Variants in TNNI3K observed in about 807,000 individuals in gnomAD.
The protein encoded by TNNI3K is serine/threonine-protein kinase TNNI3K.
TNNI3K carries 140 observed loss-of-function variants against 114.5 expected under a neutral mutation model. The observed-to-expected ratio is 1.22, with a 90% CI of 1.07 to 1.41. The LOEUF (loss-of-function observed/expected upper bound fraction) is 1.41. Among genes scored for constraint, TNNI3K ranks in the 40% most tolerant of loss-of-function variants. The pLI is 0.00. For synonymous variants in TNNI3K, 347 were observed against 347.5 expected (o/e 1.00, Z 0.02); for missense variants, 1,125 against 1,007.6 (o/e 1.12, Z -1.58).
At chr1:74,421,222 A>C (rs1665378758) in intron 17 of TNNI3K, among the ~76,000 whole-genome samples, 1 of 152,144 alleles carries the variant, frequency 6.6e-6, no homozygotes, top group Non-Finnish European at 1.5e-5. Flanking sequence ...CTGAATGTCC[A>C]GTGTGTAAAA....
chr1:74,428,750 C>T (rs555393450), intron 17 of TNNI3K, among the ~76,000 whole-genome samples: 3 of 151,960 alleles, frequency 2.0e-5, no homozygotes, highest in East Asian at 1.9e-4. Flanking sequence ...GCCTGGGTAA[C>T]GTATTGAGAT....
At chr1:74,460,354 A>G (rs1028788199) in intron 20 of TNNI3K, among the ~76,000 whole-genome samples, 2 of 152,128 alleles carry the variant, frequency 1.3e-5, no homozygotes, top group African/African-American at 4.8e-5. Flanking sequence ...GAACATTTTT[A>G]TCAGTGTAAA....
chr1:74,284,186 A>G (rs908624888), intron 5 of TNNI3K, among the ~76,000 whole-genome samples: 2 of 152,178 alleles, frequency 1.3e-5, no homozygotes, highest in African/African-American at 4.8e-5. Flanking sequence ...TACTTTTCTC[A>G]GGGATGATTC....
At chr1:74,252,988 A>G (rs1655037620) in intron 4 of TNNI3K, among the ~76,000 whole-genome samples, 1 of 151,994 alleles carries the variant, frequency 6.6e-6, no homozygotes, top group Non-Finnish European at 1.5e-5. Flanking sequence ...CAGAGAGCTG[A>G]TTGGTCCGTT....
intron 23 of TNNI3K, among the ~76,000 whole-genome samples, chr1:74,522,689 C>T (rs556471412): frequency 2.0e-5 from 3 of 151,906 alleles, no homozygotes; most frequent in Non-Finnish European, 4.4e-5. Flanking sequence ...AGAAATGCCC[C>T]AGGAAGCAAT....
At chr1:74,327,518 C>A (rs1036054753) in intron 5 of TNNI3K, among the ~76,000 whole-genome samples, 6 of 145,268 alleles carry the variant, frequency 4.1e-5, no homozygotes, top group African/African-American at 1.5e-4. Flanking sequence ...ATATATATAT[C>A]TCAGTATTTT....
chr1:74,247,861 C>T (rs987876247), intron 2 of TNNI3K, among the ~76,000 whole-genome samples: 2 of 152,182 alleles, frequency 1.3e-5, no homozygotes, highest in East Asian at 1.9e-4. Context: ...ACGCAGGGGC[C>T]GCAGGCGGAG....
intron 20 of TNNI3K, among the ~76,000 whole-genome samples, chr1:74,447,333 C>A: frequency 6.7e-6 from 1 of 150,008 alleles, no homozygotes; most frequent in East Asian, 1.9e-4. Context: ...CATGATTTGG[C>A]TCTCTGTTTG....
At chr1:74,469,966 A>C (rs1667844575) in intron 21 of TNNI3K, 1 of 400,694 alleles carries the variant, frequency 2.5e-6, no homozygotes, top group East Asian at 3.6e-5. Context: ...AGCTTCATTT[A>C]TTCTGCTAGG....
chr1:74,296,760 C>CA (rs769005321), intron 5 of TNNI3K, among the ~76,000 whole-genome samples: 16 of 152,142 alleles, frequency 1.1e-4, no homozygotes, highest in Non-Finnish European at 2.4e-4. Context: ...TTTAAAGACA[C>CA]AATTCCATTA....
intron 5 of TNNI3K, among the ~76,000 whole-genome samples, chr1:74,327,557 CAGT>C (rs1040713127): frequency 3.5e-5 from 5 of 144,878 alleles, no homozygotes; most frequent in African/African-American, 1.3e-4. Flanking sequence ...ATATATATCT[CAGT>C]AGTAGTTTTT....
intron 2 of TNNI3K, among the ~76,000 whole-genome samples, chr1:74,246,945 CT>C (rs1171379510): frequency 6.6e-6 from 1 of 152,106 alleles, no homozygotes; most frequent in Non-Finnish European, 1.5e-5. Context: ...GTAGTTTGTT[CT>C]TTTTTTCCAA....
intron 17 of TNNI3K, among the ~76,000 whole-genome samples, chr1:74,388,251 C>G (rs1663590071): frequency 6.6e-6 from 1 of 151,928 alleles, no homozygotes; most frequent in Non-Finnish European, 1.5e-5. Flanking sequence ...GCACTCCAGC[C>G]TGGGTGGCAG....
chr1:74,539,032 A>G (rs974601223), intron 23 of TNNI3K, among the ~76,000 whole-genome samples: 4 of 152,206 alleles, frequency 2.6e-5, no homozygotes, highest in Non-Finnish European at 4.4e-5. Flanking sequence ...ATCACCCTAG[A>G]TAATATACAA....
At chr1:74,459,086 A>G (rs1184524151) in intron 20 of TNNI3K, among the ~76,000 whole-genome samples, 1 of 152,226 alleles carries the variant, frequency 6.6e-6, no homozygotes, top group Non-Finnish European at 1.5e-5. Context: ...CATGGAATCA[A>G]CTTAGGTGCA....
At chr1:74,445,174 T>C (rs1196417756) in intron 20 of TNNI3K, among the ~76,000 whole-genome samples, 1 of 151,920 alleles carries the variant, frequency 6.6e-6, no homozygotes, top group African/African-American at 2.4e-5. Context: ...AAAGCAAAAA[T>C]TGACAAACGT....
chr1:74,280,950 C>G (rs1465937965), intron 5 of TNNI3K, among the ~76,000 whole-genome samples: 1 of 152,020 alleles, frequency 6.6e-6, no homozygotes, highest in Non-Finnish European at 1.5e-5. Context: ...GTATAGAGGA[C>G]TTTGTCTTGC....
intron 4 of TNNI3K, among the ~76,000 whole-genome samples, chr1:74,262,172 GACCAAGGTTCAACAGCCTTGGC>G (rs1263989412): frequency 6.6e-6 from 1 of 152,050 alleles, no homozygotes; most frequent in Non-Finnish European, 1.5e-5. Flanking sequence ...TGTCGATTTA[GACCAAGGTTCAACAGCCTTGGC>G]ACTACTGACA....
chr1:74,396,821 G>T (rs1044428868), intron 17 of TNNI3K, among the ~76,000 whole-genome samples: 1 of 152,202 alleles, frequency 6.6e-6, no homozygotes, highest in South Asian at 2.1e-4. Context: ...GAGGCTCAGG[G>T]ATCAAATGAG....
Sources: allele counts gnomAD v4.1 joint callset (sites outside exome capture counted in the v4.1 genomes callset), GRCh38; gene constraint gnomAD v4.1.1; transcripts MANE v1.5; gene names NCBI Gene and HGNC (gene_info 2026-07-23, HGNC 2026-07-21).